MFAP1: variants seen among roughly 807,000 people sequenced by gnomAD.
MFAP1 encodes the protein microfibril associated protein 1.
Under a neutral mutation model 62.2 loss-of-function variants are expected in MFAP1, and 18 were observed. The observed-to-expected ratio is 0.29, with a 90% CI of 0.20 to 0.43. MFAP1 has a LOEUF of 0.43. Among genes scored for constraint, MFAP1 ranks in the 20% least tolerant of loss-of-function variants. MFAP1 has a pLI of 1.00. For missense variants in MFAP1, 355 were observed against 559.7 expected (o/e 0.63, Z 3.69); for synonymous variants, 175 against 180.4 (o/e 0.97, Z 0.24).
intron 7 of MFAP1, 126 bp downstream of exon 7, chr15:43,809,629 C>G: frequency 8.5e-7 from 1 of 1,171,476 alleles, no homozygotes; most frequent in Non-Finnish European, 1.2e-6. Flanking sequence ...AAGGAAAAAG[C>G]AAATGAGAAA....
At chr15:43,805,838 T>G (rs1416697299) in intron 7 of MFAP1, among the ~76,000 whole-genome samples, 1 of 152,100 alleles carries the variant, frequency 6.6e-6, no homozygotes, top group African/African-American at 2.4e-5. Context: ...GGTCTCGATA[T>G]CCCGACCTTG....
At chr15:43,818,967 A>G (rs2087451244) in intron 1 of MFAP1, among the ~76,000 whole-genome samples, 1 of 152,120 alleles carries the variant, frequency 6.6e-6, no homozygotes. Context: ...CAAGGTGGGC[A>G]GATCAGTTGA....
At chr15:43,812,396 A>G (rs575426197) in intron 6 of MFAP1, among the ~76,000 whole-genome samples, 1 of 152,236 alleles carries the variant, frequency 6.6e-6, no homozygotes, top group South Asian at 2.1e-4. Context: ...TCGATGTATG[A>G]GTTCTGGAAC....
At chr15:43,823,334 A>G (rs755099617) in intron 1 of MFAP1, among the ~76,000 whole-genome samples, 4 of 151,964 alleles carry the variant, frequency 2.6e-5, no homozygotes, top group Non-Finnish European at 4.4e-5. Context: ...GGCAACAGGT[A>G]CTAAATAAAG....
rs758372794 is a variant in MFAP1 at position 43,814,942 on chromosome 15, T to C, written c.429+3A>G. On this transcript the variant is annotated splice_donor_region_variant and intron_variant, in intron 3 of 8. Transcript: ENST00000267812. ...AAAAACTTCCCATGTTCCTTTATCA[T>C]ACCTCATCATCAATTTCCTCCTCCT... The C allele has an allele frequency of 6.8e-6, 11 of 1,613,952 alleles. No homozygotes were observed. In the Admixed American group the frequency reaches 8.3e-5, roughly 12 times the overall value.
At chr15:43,819,963 C>G (rs2087457559) in intron 1 of MFAP1, among the ~76,000 whole-genome samples, 1 of 152,154 alleles carries the variant, frequency 6.6e-6, no homozygotes, top group Non-Finnish European at 1.5e-5. Context: ...CTGGCTAACA[C>G]AGTGAAACCC....
At chr15:43,823,871 G>A (rs1308263223) in intron 1 of MFAP1, among the ~76,000 whole-genome samples, 2 of 152,172 alleles carry the variant, frequency 1.3e-5, no homozygotes, top group African/African-American at 2.4e-5. Context: ...GCTGAGGCAG[G>A]AGGACAGCCT....
intron 6 of MFAP1, among the ~76,000 whole-genome samples, chr15:43,810,359 CTTTT>C (rs372486106): frequency 2.1e-5 from 3 of 142,928 alleles, no homozygotes; most frequent in African/African-American, 7.7e-5. Flanking sequence ...ATTGCAGTAA[CTTTT>C]TTTTTTTTTT....
In MFAP1 at chr15:43,809,796, T is replaced by G; in HGVS notation, c.1006A>C (p.Lys336Gln). The G allele has an allele frequency of 6.2e-7, 1 of 1,614,170 alleles. No individual in the cohort carries two copies. The highest frequency in any genetic ancestry group is 8.5e-7 in the Non-Finnish European group (1 of 1,180,000). The change falls in exon 7 of 9, where the codon AAG (lysine) becomes CAG (glutamine). Residue 336 changes from lysine (K) to glutamine (Q), a missense_variant. Lys to Gln is a moderately conservative substitution (Grantham distance 53). Transcript: ENST00000267812. ...CGGTGATAATACTTCTGTAAGAACT[T>G]GTATTTGCCCTTAACAGCTTTGTTG... The part of the protein sequence containing the change: ...ITNKAVKGKY[K>Q]FLQKYYHRGA...
At chr15:43,822,241 G>T (rs1299269294) in intron 1 of MFAP1, among the ~76,000 whole-genome samples, 2 of 149,544 alleles carry the variant, frequency 1.3e-5, no homozygotes, top group African/African-American at 4.9e-5. Flanking sequence ...CTAGTAATCA[G>T]GGGAATGCAA....
At chr15:43,813,213 T>A in intron 5 of MFAP1, 36 bp downstream of exon 5, 4 of 1,614,032 alleles carry the variant, frequency 2.5e-6, no homozygotes, top group Non-Finnish European at 3.4e-6. Flanking sequence ...ATTACACTAT[T>A]TCTTGTACTC....
At chr15:43,817,690 A>AG (rs1469668244) in intron 1 of MFAP1, among the ~76,000 whole-genome samples, 1 of 152,228 alleles carries the variant, frequency 6.6e-6, no homozygotes, top group Non-Finnish European at 1.5e-5. Flanking sequence ...AGTACAATGA[A>AG]GTAGAGGAAG....
chr15:43,809,337 CAAAA>C (rs1170635608), intron 7 of MFAP1, among the ~76,000 whole-genome samples: 1 of 109,588 alleles, frequency 9.1e-6, no homozygotes, highest in South Asian at 2.9e-4. Flanking sequence ...AAAAAATAAC[CAAAA>C]AAAAAAAAAA....
In MFAP1 at chr15:43,809,854, T is replaced by C; in HGVS notation, c.948A>G (p.Arg316=). 6.2e-7 allele frequency: 1 copy of C among 1,614,126 alleles called. No individual in the cohort carries two copies. The highest frequency in any genetic ancestry group is 1.1e-5 in the South Asian group (1 of 91,074). Reference sequence around the variant, plus strand: ...CTTTGCCGTTTGCCCGAAGTTCAGCTCTCCTCTCTTCCTCAGTCAGGTTTC... The same window carrying C: ...CTTTGCCGTTTGCCCGAAGTTCAGCCCTCCTCTCTTCCTCAGTCAGGTTTC... ...RMRNLTEEER[R]AELRANGKVI... Residue 316 remains arginine, a synonymous_variant, in exon 7 of 9, where the codon AGA becomes AGG. Coordinates refer to ENST00000267812, the MANE Select transcript of MFAP1 (RefSeq NM_005926.3).
chr15:43,815,431 G>C (rs1313228657), intron 2 of MFAP1, among the ~76,000 whole-genome samples: 1 of 152,120 alleles, frequency 6.6e-6, no homozygotes. Flanking sequence ...GCCCACCTCA[G>C]CCTCTCAAAG....
rs1191893295 is a variant in MFAP1, at chr15:43,809,866, C to T, written c.936G>A (p.Glu312=). ...CCCGAAGTTCAGCTCTCCTCTCTTC[C>T]TCAGTCAGGTTTCGCATGCGTTCAA... ...AEIERMRNLT[E]EERRAELRAN... The change falls in exon 7 of 9, where the codon GAG becomes GAA. Residue 312 remains glutamate (E), a synonymous_variant. Transcript: ENST00000267812. 1 of 1,614,156 alleles carries T rather than the reference C, an allele frequency of 6.2e-7. No individual in the cohort carries two copies. The highest frequency in any genetic ancestry group is 8.5e-7 in the Non-Finnish European group (1 of 1,180,036).
chr15:43,806,481 CTA>C (rs1430162199), intron 7 of MFAP1, among the ~76,000 whole-genome samples: 1 of 152,218 alleles, frequency 6.6e-6, no homozygotes, highest in Non-Finnish European at 1.5e-5. Flanking sequence ...TTTTCCTCTA[CTA>C]TCAGTCTCAC....
chr15:43,813,423 C>T, intron 4 of MFAP1, 66 bp from the exon 5 acceptor site: 1 of 1,437,018 alleles, frequency 7.0e-7, no homozygotes, highest in South Asian at 1.4e-5. Context: ...TCCCCTAGAC[C>T]TAGTCCCATC....
At chr15:43,816,299 G>A (rs1438469018) in intron 2 of MFAP1, among the ~76,000 whole-genome samples, 1 of 142,984 alleles carries the variant, frequency 7.0e-6, no homozygotes. Context: ...AGGCTGGAGT[G>A]CAGTGGCGTG....
Sources: gnomAD v4.1 joint callset for allele counts (sites outside exome capture counted in the v4.1 genomes callset) on GRCh38, gnomAD v4.1.1 for gene constraint, MANE v1.5 for transcripts, NCBI Gene and HGNC (gene_info 2026-07-23, HGNC 2026-07-21) for gene names.